SLC24A4: variants seen among roughly 807,000 people sequenced by gnomAD.
SLC24A4 encodes sodium/potassium/calcium exchanger 4.
SLC24A4 carries 53 observed loss-of-function variants against 79.0 expected under a neutral mutation model. The observed-to-expected ratio is 0.67, with a 90% CI of 0.54 to 0.84. The LOEUF is 0.84. SLC24A4 is among the 40% of genes least tolerant of loss of function. The pLI is 0.00. For missense variants in SLC24A4, 731 were observed against 822.0 expected (o/e 0.89, Z 1.35); for synonymous variants, 323 against 323.8 (o/e 1.00, Z 0.03).
intron 2 of SLC24A4, among the ~76,000 whole-genome samples, chr14:92,341,045 G>A (rs1886112063): frequency 6.6e-6 from 1 of 152,198 alleles, no homozygotes; most frequent in Non-Finnish European, 1.5e-5. Context: ...CGCCTCCTCA[G>A]ATGAGTATGC....
intron 2 of SLC24A4, among the ~76,000 whole-genome samples, chr14:92,380,848 C>T (rs959338393): frequency 1.3e-5 from 2 of 152,194 alleles, no homozygotes; most frequent in African/African-American, 2.4e-5. Flanking sequence ...AAGGTGCTGC[C>T]GCTCATGAGC....
At chr14:92,364,275 G>A (rs1480618797) in intron 2 of SLC24A4, among the ~76,000 whole-genome samples, 1 of 152,154 alleles carries the variant, frequency 6.6e-6, no homozygotes, top group African/African-American at 2.4e-5. Context: ...AACCTTTATA[G>A]AATGGTTCGA....
rs1895882733 is a variant in SLC24A4, at chr14:92,495,212, G to A, written c.*1584G>A. 6.6e-6 allele frequency: 1 copy of A among 152,442 alleles called. No homozygotes were observed. The highest frequency in any genetic ancestry group is 6.5e-5 in the Admixed American group (1 of 15,278). 9.4% of individuals were successfully genotyped at this position (152,442 alleles called of 1,614,324 possible). ...GATCGTGACGCTGGTTGGAATTTCT[G>A]ACTGTGCCCTTTAGGGCCTCCTGAG... On this transcript the variant is annotated 3_prime_UTR_variant, in exon 17 of 17. Transcript: ENST00000532405.
intron 2 of SLC24A4, among the ~76,000 whole-genome samples, chr14:92,335,082 A>G (rs1046786871): frequency 3.3e-5 from 5 of 152,146 alleles, no homozygotes; most frequent in Admixed American, 6.5e-5. Context: ...CGCGGCCAAC[A>G]AAAAGCAGAG....
Position 92,354,801 on chromosome 14 carries a change from T to C in SLC24A4, c.241+28823T>C, listed in dbSNP as rs190415048. ...AAAAATGTTAGATGCTGGCTAGGCA[T>C]GGTGGCTCATGCCTGTAATCCCAGC... On this transcript the variant is annotated intron_variant, in intron 2 of 16. Coordinates refer to ENST00000532405, the MANE Select transcript of SLC24A4 (RefSeq NM_153646.4). Among the ~76,000 whole-genome samples the C allele has an allele frequency of 4.9e-3, 753 of 152,152 alleles. 8 individuals carry two copies. The highest frequency in any genetic ancestry group is 0.017 in the African/African-American group (694 of 41,542).
At chr14:92,450,283 T>C (rs542415138) in intron 10 of SLC24A4, 1 of 152,354 alleles carries the variant, frequency 6.6e-6, no homozygotes, top group East Asian at 1.9e-4. Flanking sequence ...CTGGGCCCCC[T>C]CTCCAGTCAT....
chr14:92,333,741 C>G (rs921979314), intron 2 of SLC24A4, among the ~76,000 whole-genome samples: 2 of 151,932 alleles, frequency 1.3e-5, no homozygotes, highest in African/African-American at 4.8e-5. Context: ...GGAGAATCTT[C>G]TGTGATCAGC....
intron 2 of SLC24A4, among the ~76,000 whole-genome samples, chr14:92,413,721 G>A (rs10139051): frequency 0.4 from 60,503 of 152,032 alleles, 12,193 homozygotes; most frequent in Non-Finnish European, 0.42. Flanking sequence ...CTTCCGTTCC[G>A]GGGACAGACC....
In SLC24A4 at chr14:92,326,001, C is replaced by T. The variant is rs376825948; in HGVS notation, c.241+23C>T. Reference sequence around the variant, plus strand: ...CTGGTAAGAAATCAATTCTTCTCCACTCAGTCTACTAAGATGTTTGGCCTG... The same window carrying T: ...CTGGTAAGAAATCAATTCTTCTCCATTCAGTCTACTAAGATGTTTGGCCTG... On this transcript the variant is annotated intron_variant, in intron 2 of 16. Coordinates refer to ENST00000532405, the MANE Select transcript of SLC24A4 (RefSeq NM_153646.4). 10 of 1,520,862 alleles carry T rather than the reference C, an allele frequency of 6.6e-6. No homozygotes were observed. The African/African-American group carries it at 1.4e-4, about 21-fold the overall frequency. The allele number at this position is 1,520,862 out of a possible 1,614,324, so 94.2% of individuals were successfully genotyped here.
At position 92,498,337 on chromosome 14, in the gene SLC24A4, G is replaced by T. The variant is rs1896003488; in HGVS notation, c.*4709G>T. The T allele has an allele frequency of 6.6e-6, 1 of 152,096 alleles. No homozygotes were observed. 9.4% of individuals were successfully genotyped at this position (152,096 alleles called of 1,614,324 possible). ...AGTTATATGGGAACAAGAGTGATGG[G>T]GTCTTTCTCTAGGCCTGTGCCACAG... On this transcript the variant is annotated 3_prime_UTR_variant, in exon 17 of 17. Coordinates refer to ENST00000532405, the MANE Select transcript of SLC24A4 (RefSeq NM_153646.4).
chr14:92,424,821 G>T (rs1245204281), intron 2 of SLC24A4, among the ~76,000 whole-genome samples: 1 of 152,184 alleles, frequency 6.6e-6, no homozygotes, highest in Non-Finnish European at 1.5e-5. Flanking sequence ...GGTCAAGGCT[G>T]CAGAGAACTA....
At chr14:92,371,210 T>C (rs1566720630) in intron 2 of SLC24A4, among the ~76,000 whole-genome samples, 1 of 152,202 alleles carries the variant, frequency 6.6e-6, no homozygotes, top group Non-Finnish European at 1.5e-5. Flanking sequence ...GAAAGAGAGC[T>C]TCCTGGATAA....
intron 2 of SLC24A4, among the ~76,000 whole-genome samples, chr14:92,330,237 T>G (rs903881358): frequency 6.6e-6 from 1 of 152,214 alleles, no homozygotes; most frequent in Non-Finnish European, 1.5e-5. Context: ...TGGTAGGTGT[T>G]CAATAAATAT....
chr14:92,476,243 C>A lies in SLC24A4; in HGVS notation c.1256-6437C>A, dbSNP rs907370446. Reference sequence around the variant, plus strand: ...TTCTAGAAATACACTAGGCCTTCCTCAGCAACCTAGATGAGTTGGGATGTG... The same window carrying A: ...TTCTAGAAATACACTAGGCCTTCCTAAGCAACCTAGATGAGTTGGGATGTG... On this transcript the variant is annotated intron_variant, in intron 12 of 16. Coordinates refer to ENST00000532405, the MANE Select transcript of SLC24A4 (RefSeq NM_153646.4). 2.0e-5 allele frequency among the ~76,000 whole-genome samples: 3 copies of A among 152,294 alleles called. No individual in the cohort carries two copies. The East Asian group carries it at 5.8e-4, about 29-fold the overall frequency.
intron 12 of SLC24A4, among the ~76,000 whole-genome samples, chr14:92,475,380 A>T (rs868573929): frequency 6.6e-6 from 1 of 152,224 alleles, no homozygotes; most frequent in Admixed American, 6.5e-5. Context: ...TATGGTCCAC[A>T]CTGGTGCAGA....
intron 13 of SLC24A4, among the ~76,000 whole-genome samples, chr14:92,483,110 C>A (rs1895154905): frequency 6.6e-6 from 1 of 152,200 alleles, no homozygotes; most frequent in South Asian, 2.1e-4. Context: ...CTAAATCACA[C>A]TGTTCTGGTG....
chr14:92,424,520 T>A (rs944814590), intron 2 of SLC24A4, among the ~76,000 whole-genome samples: 3 of 152,026 alleles, frequency 2.0e-5, no homozygotes, highest in African/African-American at 7.2e-5. Flanking sequence ...AGAGATCACA[T>A]GGTGAGAGAG....
chr14:92,455,629 G>A (rs2139846977), intron 11 of SLC24A4, among the ~76,000 whole-genome samples: 1 of 152,312 alleles, frequency 6.6e-6, no homozygotes, highest in South Asian at 2.1e-4. Flanking sequence ...TGTAGACTAG[G>A]AAAGTGCCTG....
At chr14:92,397,421 A>C (rs1480095766) in intron 2 of SLC24A4, among the ~76,000 whole-genome samples, 1 of 152,206 alleles carries the variant, frequency 6.6e-6, no homozygotes, top group Admixed American at 6.5e-5. Flanking sequence ...CTTGAAAATG[A>C]ATCTGTGATG....
Sources: gnomAD v4.1 joint callset for allele counts (sites outside exome capture counted in the v4.1 genomes callset) on GRCh38, gnomAD v4.1.1 for gene constraint, MANE v1.5 for transcripts, NCBI Gene and HGNC (gene_info 2026-07-23, HGNC 2026-07-21) for gene names.